ABCA13: variants seen among roughly 807,000 people sequenced by gnomAD.
ABCA13 encodes the protein ATP-binding cassette sub-family A member 13.
In ABCA13, 476 loss-of-function variants were observed where a neutral mutation model predicts 478.7. The observed-to-expected ratio is 0.99, with a 90% CI of 0.92 to 1.07. The LOEUF (loss-of-function observed/expected upper bound fraction) is 1.07, where lower values mean the gene tolerates loss of function less well. ABCA13 is among the 50% of genes least tolerant of loss of function. The probability of loss-of-function intolerance (pLI) is 0.00; values close to 1 mark genes in which losing one functional copy is unlikely to be tolerated. For missense variants in ABCA13, 6,060 were observed against 5,910.6 expected, an observed-to-expected ratio of 1.03 and a Z score of -0.83; for synonymous variants, 2,252 against 2,158.9, an observed-to-expected ratio of 1.04 and a Z score of -1.20.
intron 44 of ABCA13, among the ~76,000 whole-genome samples, 183 bp from the exon 45 acceptor site, chr7:48,471,347 T>C (rs1014215421): frequency 1.3e-5 from 2 of 152,206 alleles, no homozygotes; most frequent in African/African-American, 2.4e-5. Context: ...GGCGTTGTAA[T>C]AAAACATTGT....
intron 59 of ABCA13, among the ~76,000 whole-genome samples, chr7:48,630,807 G>T (rs1794102074): frequency 7.7e-6 from 1 of 129,740 alleles, no homozygotes; most frequent in Admixed American, 8.6e-5. Context: ...CCACAGCCTT[G>T]CCAGCATCTG....
intron 55 of ABCA13, among the ~76,000 whole-genome samples, chr7:48,575,519 C>T (rs910874208): frequency 3.9e-5 from 6 of 152,004 alleles, no homozygotes; most frequent in Admixed American, 6.6e-5. Flanking sequence ...ATTAAAAGTG[C>T]GGAATATTAA....
chr7:48,499,269 A>G (rs1315225216), intron 48 of ABCA13, among the ~76,000 whole-genome samples: 2 of 152,198 alleles, frequency 1.3e-5, no homozygotes, highest in Non-Finnish European at 2.9e-5. Context: ...GATTGAATTA[A>G]CTTTTTACTC....
At chr7:48,253,169 G>T (rs542229888) in intron 15 of ABCA13, among the ~76,000 whole-genome samples, 3 of 152,078 alleles carry the variant, frequency 2.0e-5, no homozygotes, top group Non-Finnish European at 4.4e-5. Context: ...ACTCCTAGCC[G>T]CCTGCAGGTC....
intron 42 of ABCA13, 72 bp from the exon 43 acceptor site, chr7:48,454,965 G>T: frequency 7.0e-7 from 1 of 1,424,940 alleles, no homozygotes; most frequent in Non-Finnish European, 9.2e-7. Flanking sequence ...GTCACCGAGA[G>T]GGCAAACGAG....
At chr7:48,344,649 T>C (rs1807773524) in intron 29 of ABCA13, among the ~76,000 whole-genome samples, 1 of 152,162 alleles carries the variant, frequency 6.6e-6, no homozygotes, top group African/African-American at 2.4e-5. Flanking sequence ...CCTATGTGTT[T>C]TTCTTGGCTC....
intron 41 of ABCA13, among the ~76,000 whole-genome samples, chr7:48,426,443 CT>C (rs752984831): frequency 2.0e-5 from 3 of 152,298 alleles, no homozygotes; most frequent in Non-Finnish European, 4.4e-5. Flanking sequence ...CAGTCAATCC[CT>C]TTTTGCTTGT....
intron 3 of ABCA13, among the ~76,000 whole-genome samples, chr7:48,215,619 A>G (rs78794696): frequency 1.6e-3 from 243 of 152,258 alleles, no homozygotes; most frequent in Non-Finnish European, 2.8e-3. Context: ...GCATAATAAA[A>G]CAAGGTAGGC....
rs747919539 is a variant in ABCA13 at position 48,246,009 on chromosome 7, A to C, written c.1638A>C (p.Leu546=). 6.2e-7 allele frequency: 1 copy of C among 1,613,672 alleles called. No homozygotes were observed. ...NSSETSVLNK[L]LGSVEDADRI... ...CTGAGACGAGTGTTTTAAACAAGCT[A>C]CTTGGTTCAGTAGAGGATGCTGTAA... The change falls in exon 13 of 62, where the codon CTA becomes CTC. Residue 546 remains leucine, a synonymous_variant. Transcript: ENST00000435803.
chr7:48,570,574 C>G (rs1019051609), intron 55 of ABCA13, among the ~76,000 whole-genome samples: 1 of 151,822 alleles, frequency 6.6e-6, no homozygotes, highest in Non-Finnish European at 1.5e-5. Flanking sequence ...CCACCCGCCT[C>G]GGCCTCCCAA....
intron 27 of ABCA13, among the ~76,000 whole-genome samples, chr7:48,321,808 C>A (rs1387321491): frequency 6.6e-6 from 1 of 152,162 alleles, no homozygotes; most frequent in Non-Finnish European, 1.5e-5. Context: ...CAGTGCCAGA[C>A]CCCAAGGTTC....
intron 42 of ABCA13, among the ~76,000 whole-genome samples, chr7:48,448,449 C>T (rs1017625876): frequency 2.6e-5 from 4 of 152,180 alleles, no homozygotes; most frequent in Non-Finnish European, 5.9e-5. Context: ...AAAAGTGTTT[C>T]AGCAACCTTT....
At chr7:48,242,199 T>A (rs1467265090) in intron 10 of ABCA13, among the ~76,000 whole-genome samples, 1 of 152,078 alleles carries the variant, frequency 6.6e-6, no homozygotes, top group African/African-American at 2.4e-5. Context: ...CCCCTGGCAC[T>A]TTAGCCTAGG....
chr7:48,359,742 C>T (rs1402209133), intron 31 of ABCA13, among the ~76,000 whole-genome samples: 1 of 151,896 alleles, frequency 6.6e-6, no homozygotes, highest in Non-Finnish European at 1.5e-5. Flanking sequence ...GAAAACAAAA[C>T]AAAAAACAGA....
In ABCA13 at chr7:48,576,223, T is replaced by C. The variant is rs183148569; in HGVS notation, c.14355-4001T>C. ...CCCCATGGATATAGAAAAACGACTG[T>C]ACTAGAAGGAAGCCCAGGACTGTGA... On this transcript the variant is annotated intron_variant, in intron 55 of 61. Transcript: ENST00000435803. 7.1e-4 allele frequency among the ~76,000 whole-genome samples: 108 copies of C among 152,146 alleles called. 1 individual carries two copies. Among genetic ancestry groups the C allele is most frequent in the African/African-American group, 2.6e-3 (106 of 41,512 alleles).
chr7:48,200,024 A>G (rs10237564), intron 3 of ABCA13, among the ~76,000 whole-genome samples: 112,843 of 152,166 alleles, frequency 0.74, 42,294 homozygotes, highest in Non-Finnish European at 0.8. Context: ...ACCAATGGGA[A>G]TTGATAATAA....
intron 47 of ABCA13, 119 bp downstream of exon 47, chr7:48,483,282 T>G (rs193250172): frequency 3.6e-6 from 3 of 834,532 alleles, no homozygotes; most frequent in Middle Eastern, 2.9e-4. Context: ...CATTTGTTAC[T>G]AAGCATCAAG....
intron 27 of ABCA13, among the ~76,000 whole-genome samples, chr7:48,330,312 T>C (rs1805107310): frequency 6.6e-6 from 1 of 151,746 alleles, no homozygotes; most frequent in Admixed American, 6.6e-5. Flanking sequence ...CATTCATCCA[T>C]CCATCTACCC....
chr7:48,329,090 A>G (rs1211545271), intron 27 of ABCA13, among the ~76,000 whole-genome samples: 1 of 152,242 alleles, frequency 6.6e-6, no homozygotes, highest in Non-Finnish European at 1.5e-5. Flanking sequence ...GAATTAATTG[A>G]ATCAGATACA....
Sources: gnomAD v4.1 joint callset for allele counts (sites outside exome capture counted in the v4.1 genomes callset) on GRCh38, gnomAD v4.1.1 for gene constraint, MANE v1.5 for transcripts, NCBI Gene and HGNC (gene_info 2026-07-23, HGNC 2026-07-21) for gene names.